Variants in SLCO1A2 observed in about 807,000 individuals in gnomAD.
SLCO1A2 encodes the protein OATP-1.
In SLCO1A2, 67 loss-of-function variants were observed where a neutral mutation model predicts 69.0. The ratio of observed to expected loss-of-function variants is 0.97; its 90% confidence interval spans 0.80 to 1.19. The LOEUF (loss-of-function observed/expected upper bound fraction) is 1.19, where lower values mean the gene tolerates loss of function less well. Among genes scored for constraint, SLCO1A2 ranks in the 50% most tolerant of loss-of-function variants. SLCO1A2 has a pLI of 0.00. For missense variants in SLCO1A2, 787 were observed against 793.7 expected (o/e 0.99, Z 0.10); for synonymous variants, 260 against 265.9 (o/e 0.98, Z 0.22).
chr12:21,324,716 A>C (rs967752400), intron 2 of SLCO1A2: 1 of 152,196 alleles, frequency 6.6e-6, no homozygotes, highest in African/African-American at 2.4e-5. Context: ...CTTTAACCAG[A>C]GCATCAGCCT....
intron 2 of SLCO1A2, among the ~76,000 whole-genome samples, chr12:21,320,675 T>G (rs1951492193): frequency 6.6e-6 from 1 of 152,032 alleles, no homozygotes; most frequent in African/African-American, 2.4e-5. Flanking sequence ...GCTTTTGTAT[T>G]TTTAGTACAG....
At chr12:21,401,359 A>G (rs1380999237) in intron 1 of SLCO1A2, among the ~76,000 whole-genome samples, 1 of 151,804 alleles carries the variant, frequency 6.6e-6, no homozygotes, top group Non-Finnish European at 1.5e-5. Context: ...CATTCACAAT[A>G]ACAATCGAAC....
In SLCO1A2 at chr12:21,271,801, A is replaced by G. The variant is rs917144493; in HGVS notation, c.1794-2034T>C. Among the ~76,000 whole-genome samples, 3 of 148,230 alleles carry G rather than the reference A, an allele frequency of 2.0e-5. No individual in the cohort carries two copies. In the Admixed American group the frequency reaches 2.0e-4, roughly 10 times the overall value. On this transcript the variant is annotated intron_variant, in intron 14 of 14. Coordinates refer to ENST00000683939, the MANE Select transcript of SLCO1A2 (RefSeq NM_001386879.1). ...TACATTTATATACATATGTAAATAA[A>G]TATGTATATATGTACTTATATGTAT...
chr12:21,300,902 C>T (rs1184857101), intron 7 of SLCO1A2, among the ~76,000 whole-genome samples: 2 of 152,170 alleles, frequency 1.3e-5, no homozygotes, highest in Non-Finnish European at 2.9e-5. Flanking sequence ...AACCTACATG[C>T]TTAAATTTTG....
upstream of SLCO1A2, among the ~76,000 whole-genome samples, chr12:21,396,975 A>C (rs936754047): frequency 2.0e-5 from 3 of 151,910 alleles, no homozygotes; most frequent in Non-Finnish European, 4.4e-5. Context: ...TAACGAGCAA[A>C]ATAACCAGCT....
intron 1 of SLCO1A2, among the ~76,000 whole-genome samples, chr12:21,385,140 AC>A (rs1373016535): frequency 2.6e-5 from 4 of 152,118 alleles, no homozygotes; most frequent in African/African-American, 9.7e-5. Context: ...TAAATATGAA[AC>A]CTCTGCAATT....
intron 4 of SLCO1A2, 89 bp from the exon 5 acceptor site, chr12:21,307,077 T>C: frequency 2.5e-6 from 2 of 799,758 alleles, no homozygotes; most frequent in Non-Finnish European, 4.1e-6. Flanking sequence ...CTGCTTCCCA[T>C]ACAACACAAT....
intron 1 of SLCO1A2, among the ~76,000 whole-genome samples, chr12:21,413,912 G>A (rs1295567965): frequency 6.6e-6 from 1 of 152,170 alleles, no homozygotes; most frequent in Non-Finnish European, 1.5e-5. Flanking sequence ...TACCACAGCA[G>A]ACAGGCCTTG....
At chr12:21,399,873 A>G (rs1941627426), upstream of SLCO1A2, among the ~76,000 whole-genome samples, 4 of 148,724 alleles carry the variant, frequency 2.7e-5, no homozygotes, top group South Asian at 8.8e-4. Context: ...ACAAAAATCA[A>G]TTCAAGATGG....
At chr12:21,405,728 C>T (rs534518093) in intron 1 of SLCO1A2, among the ~76,000 whole-genome samples, 115 of 152,202 alleles carry the variant, frequency 7.6e-4, no homozygotes, top group African/African-American at 2.5e-3. Flanking sequence ...GAAACTGGAC[C>T]CCTTCCTTAC....
At chr12:21,400,572 G>T (rs201854682) in intron 1 of SLCO1A2, among the ~76,000 whole-genome samples, 50 of 148,200 alleles carry the variant, frequency 3.4e-4, no homozygotes, top group Admixed American at 4.7e-4. Context: ...AAAGACACAT[G>T]CACATGTATG....
At position 21,292,154 on chromosome 12, in the gene SLCO1A2, AATT is replaced by A; in HGVS notation, c.1610+7_1610+9del. On this transcript the variant is annotated splice_region_variant and intron_variant, in intron 12 of 14. Coordinates refer to ENST00000683939, the MANE Select transcript of SLCO1A2 (RefSeq NM_001386879.1). Reference sequence around the variant, plus strand: ...CCAAAAAAATATAAATAAAGAAAATAATTTTGTACCTCAAGAGAACCATATATC... The same window carrying A: ...CCAAAAAAATATAAATAAAGAAAATATTGTACCTCAAGAGAACCATATATC... The A allele has an allele frequency of 6.6e-7, 1 of 1,525,228 alleles. No individual in the cohort carries two copies. Among genetic ancestry groups the A allele is most frequent in the East Asian group, 2.4e-5 (1 of 41,136 alleles). 94.5% of individuals were successfully genotyped at this position (1,525,228 alleles called of 1,614,324 possible).
intron 14 of SLCO1A2, among the ~76,000 whole-genome samples, chr12:21,270,681 C>A (rs1942641866): frequency 6.6e-6 from 1 of 150,940 alleles, no homozygotes; most frequent in African/African-American, 2.4e-5. Flanking sequence ...TAAAAATATT[C>A]ATGTTTCTAT....
chr12:21,409,739 CCT>C (rs933047660), intron 1 of SLCO1A2, among the ~76,000 whole-genome samples: 1 of 152,100 alleles, frequency 6.6e-6, no homozygotes, highest in African/African-American at 2.4e-5. Context: ...TTGAAAACAA[CCT>C]CTGAGATCAC....
chr12:21,288,925 A>T (rs1946393149), intron 12 of SLCO1A2, among the ~76,000 whole-genome samples: 1 of 151,798 alleles, frequency 6.6e-6, no homozygotes. Context: ...TAATCTAGAT[A>T]TAAAATTTAT....
intron 12 of SLCO1A2, among the ~76,000 whole-genome samples, chr12:21,289,384 G>C (rs564812517): frequency 6.6e-6 from 1 of 152,050 alleles, no homozygotes; most frequent in Non-Finnish European, 1.5e-5. Context: ...GTAATGAGAC[G>C]ACAGGGTGGC....
At chr12:21,408,713 C>CGTGT (rs3060712) in intron 1 of SLCO1A2, among the ~76,000 whole-genome samples, 305 of 150,280 alleles carry the variant, frequency 2.0e-3, no homozygotes, top group Middle Eastern at 0.017. Flanking sequence ...TCAGCGCATG[C>CGTGT]GTGTGTGTGT....
intron 2 of SLCO1A2, among the ~76,000 whole-genome samples, chr12:21,331,835 G>A (rs745800096): frequency 6.6e-6 from 1 of 152,104 alleles, no homozygotes; most frequent in Non-Finnish European, 1.5e-5. Flanking sequence ...CTAAAAAATA[G>A]GAGTTGTAGA....
At chr12:21,338,473 T>C (rs772464069), upstream of SLCO1A2, among the ~76,000 whole-genome samples, 5 of 151,836 alleles carry the variant, frequency 3.3e-5, no homozygotes, top group Non-Finnish European at 7.4e-5. Flanking sequence ...TGTTTCCTCT[T>C]AGTAATTTTC....
Sources: allele counts gnomAD v4.1 joint callset (sites outside exome capture counted in the v4.1 genomes callset), GRCh38; gene constraint gnomAD v4.1.1; transcripts MANE v1.5; gene names NCBI Gene and HGNC (gene_info 2026-07-23, HGNC 2026-07-21).